The following ADAMTS13 variants were observed in gnomAD, a reference collection of about 807,000 sequenced individuals.
The protein encoded by ADAMTS13 is ADAM metallopeptidase with thrombospondin type 1 motif 13.
In ADAMTS13, 110 loss-of-function variants were observed where a neutral mutation model predicts 155.1. That is an observed-to-expected ratio of 0.71 (90% CI 0.61 to 0.83). ADAMTS13 has a LOEUF of 0.83. ADAMTS13 is among the 40% of genes least tolerant of loss of function. The pLI, the probability that ADAMTS13 is intolerant of heterozygous loss-of-function variation, is 0.00. For missense variants in ADAMTS13, 1,707 were observed against 1,891.7 expected (o/e 0.90, Z 1.81); for synonymous variants, 758 against 756.4 (o/e 1.00, Z -0.03).
intron 21 of ADAMTS13, among the ~76,000 whole-genome samples, 188 bp downstream of exon 21, chr9:133,446,007 T>G (rs756889164): frequency 4.6e-5 from 7 of 152,134 alleles, no homozygotes; most frequent in Non-Finnish European, 8.8e-5. Context: ...GGGTGTTGAT[T>G]GGCTGAAAGG....
At chr9:133,429,906 A>C (rs1024280917) in intron 7 of ADAMTS13, 33 bp from the exon 8 acceptor site, 41 of 1,534,288 alleles carry the variant, frequency 2.7e-5, no homozygotes, top group East Asian at 4.9e-5. Context: ...ACACCCCGGG[A>C]CTGAGCCGGG....
intron 23 of ADAMTS13, among the ~76,000 whole-genome samples, chr9:133,454,179 G>C (rs1588205793): frequency 1.3e-5 from 2 of 152,116 alleles, no homozygotes; most frequent in African/African-American, 4.8e-5. Flanking sequence ...ACTAGAGGGG[G>C]ATGTGCAATT....
At chr9:133,423,632 C>G (rs1804590376) in intron 2 of ADAMTS13, among the ~76,000 whole-genome samples, 1 of 152,230 alleles carries the variant, frequency 6.6e-6, no homozygotes. Flanking sequence ...TGCGAGCCCC[C>G]TTCCCAGTAG....
Position 133,415,083 on chromosome 9 carries a change from G to A in ADAMTS13, n.287+439G>A, listed in dbSNP as rs1385442253. The A allele has an allele frequency of 9.5e-6, 12 of 1,256,776 alleles. No individual in the cohort carries two copies. The East Asian group carries it at 1.2e-4, about 12-fold the overall frequency. The allele number at this position is 1,256,776 out of a possible 1,614,324, so 77.9% of individuals were successfully genotyped here. A position where few individuals can be genotyped will look rare whatever the true frequency, so the allele number is the denominator to read the frequency against. Reference sequence around the variant, plus strand: ...CACACAGCAGATTGAAAAAACTTACGTGTGTATGTATATACACACATATAC... The same window carrying A: ...CACACAGCAGATTGAAAAAACTTACATGTGTATGTATATACACACATATAC... On this transcript the variant is annotated intron_variant and non_coding_transcript_variant, in intron 1 of 17. Transcript: ENST00000485925.
intron 11 of ADAMTS13, among the ~76,000 whole-genome samples, chr9:133,435,387 C>T (rs1841107193): frequency 6.6e-6 from 1 of 151,958 alleles, no homozygotes; most frequent in Non-Finnish European, 1.5e-5. Flanking sequence ...GGAGTTTCCA[C>T]CACGTCAGCC....
intron 11 of ADAMTS13, among the ~76,000 whole-genome samples, chr9:133,434,113 TA>T (rs1554788341): frequency 1.3e-5 from 2 of 150,598 alleles, no homozygotes; most frequent in African/African-American, 4.9e-5. Context: ...AAATAAAAAT[TA>T]AAAAAGAGAG....
rs368858347 is a variant in ADAMTS13, at chr9:133,448,708, G to A, written c.2841G>A (p.Gln947=). The A allele has an allele frequency of 6.2e-6, 10 of 1,602,854 alleles. No homozygotes were observed. The highest frequency in any genetic ancestry group is 2.2e-5 in the East Asian group (1 of 44,868). Residue 947 remains glutamine, a synonymous_variant, in exon 22 of 29, where the codon CAG becomes CAA. Transcript: ENST00000355699. ...CTGGGAGCCGGCGGGAGGTCTGCCA[G>A]GCTGTCCCGTGCCCTGCTCGGTGAG... ...SKPGSRREVC[Q]AVPCPARWQY... is the part of the protein sequence containing the mutation.
chr9:133,417,501 C>T (rs782016621), upstream of ADAMTS13: 3 of 1,062,222 alleles, frequency 2.8e-6, no homozygotes, highest in South Asian at 2.8e-5. Context: ...AAGCTGTTTA[C>T]AAGATTTCGA....
At chr9:133,457,589 G>A (rs1034211692) in intron 27 of ADAMTS13, among the ~76,000 whole-genome samples, 2 of 152,230 alleles carry the variant, frequency 1.3e-5, no homozygotes. Context: ...CGCCATGGGT[G>A]GAGCCTATCT....
chr9:133,422,934 CTTTTTT>C (rs71281254), intron 1 of ADAMTS13, among the ~76,000 whole-genome samples, 161 bp from the exon 2 acceptor site: 12 of 93,228 alleles, frequency 1.3e-4, no homozygotes, highest in African/African-American at 4.4e-4. Flanking sequence ...CTCTCTCTCT[CTTTTTT>C]TTTTTTTTTT....
At chr9:133,454,768 G>A (rs1554795263) in intron 24 of ADAMTS13, 149 bp downstream of exon 24, 4 of 1,035,796 alleles carry the variant, frequency 3.9e-6, no homozygotes, top group Non-Finnish European at 5.6e-6. Flanking sequence ...GGGGCACCTA[G>A]AGGCAGAGAG....
chr9:133,452,873 C>G (rs1169076024), intron 23 of ADAMTS13, among the ~76,000 whole-genome samples: 2 of 152,198 alleles, frequency 1.3e-5, no homozygotes, highest in Non-Finnish European at 2.9e-5. Flanking sequence ...AGGGATACTC[C>G]CCTGACTTAG....
rs1365630599 is a variant in ADAMTS13 at position 133,422,381 on chromosome 9, AGAT to A, written c.-62_-60del. 2 of 1,444,030 alleles carry A rather than the reference AGAT, an allele frequency of 1.4e-6. No individual in the cohort carries two copies. The highest frequency in any genetic ancestry group is 2.8e-5 in the African/African-American group (2 of 71,712). The allele number at this position is 1,444,030 out of a possible 1,614,324, so 89.5% of individuals were successfully genotyped here. ...AGGCCTGTCCCATTCCATACTGACC[AGAT>A]TCCCAGTCACCAAGGCCCCCTCTCA... On this transcript the variant is annotated 5_prime_UTR_variant, in exon 1 of 29. Transcript: ENST00000355699.
At chr9:133,447,091 G>A (rs1048724897) in intron 21 of ADAMTS13, among the ~76,000 whole-genome samples, 11 of 152,146 alleles carry the variant, frequency 7.2e-5, no homozygotes, top group African/African-American at 2.7e-4. Flanking sequence ...TTGACCTCAG[G>A]TGATCTGCCT....
In ADAMTS13 at chr9:133,458,080, G is replaced by A. The variant is rs199856010; in HGVS notation, c.3895G>A (p.Ala1299Thr). Residue 1299 changes from alanine (A) to threonine (T), a missense_variant, in exon 28 of 29, where the codon GCC (alanine) becomes ACC (threonine). This residue lies in a region of ADAMTS13 where 961 missense variants were observed against 1,107.9 expected (regional missense o/e 0.87). Coordinates refer to ENST00000355699, the MANE Select transcript of ADAMTS13 (RefSeq NM_139027.6). The part of the protein sequence containing the change: ...NMGAGTEGAN[A>T]SYILIRDTHS... ...GGGCGCTGGGACCGAGGGAGCCAATGCCAGCTACATCTTGGTGAGGCCCAG... is the reference window on the plus strand; with the variant it reads ...GGGCGCTGGGACCGAGGGAGCCAATACCAGCTACATCTTGGTGAGGCCCAG... 2.6e-5 allele frequency: 42 copies of A among 1,613,418 alleles called. 1 individual carries two copies. The South Asian group carries it at 4.2e-4, about 16-fold the overall frequency.
intron 23 of ADAMTS13, among the ~76,000 whole-genome samples, chr9:133,453,219 G>A (rs587705160): frequency 4.6e-5 from 7 of 152,270 alleles, no homozygotes; most frequent in South Asian, 2.1e-4. Flanking sequence ...GGCAGATCAC[G>A]AGGTCAGGAG....
chr9:133,436,631 C>G (rs1319895641), intron 11 of ADAMTS13, among the ~76,000 whole-genome samples, 198 bp from the exon 12 acceptor site: 3 of 152,094 alleles, frequency 2.0e-5, no homozygotes, highest in East Asian at 1.9e-4. Context: ...TTACGGATTC[C>G]CCGGGGTTTT....
chr9:133,417,715 C>T, upstream of ADAMTS13: 2 of 1,614,150 alleles, frequency 1.2e-6, no homozygotes, highest in Non-Finnish European at 1.7e-6. Context: ...TTGCTTACTT[C>T]CCGCGCCTTG....
At chr9:133,458,393 T>C (rs1006055823) in intron 28 of ADAMTS13, among the ~76,000 whole-genome samples, 2 of 151,532 alleles carry the variant, frequency 1.3e-5, no homozygotes, top group Non-Finnish European at 2.9e-5. Context: ...TTGTCTCTAC[T>C]AAAAATAGAA....
Sources: allele counts gnomAD v4.1 joint callset (sites outside exome capture counted in the v4.1 genomes callset), GRCh38; gene constraint gnomAD v4.1.1; regional missense constraint gnomAD v4.1.1; transcripts MANE v1.5; gene names NCBI Gene and HGNC (gene_info 2026-07-23, HGNC 2026-07-21).